The following ADAMTS1 variants were observed in gnomAD, a reference collection of about 807,000 sequenced individuals.
ADAMTS1 encodes the protein ADAM metallopeptidase with thrombospondin type 1 motif 1, also known as A disintegrin and metalloproteinase with thrombospondin motifs 1.
A neutral mutation model predicts 87.9 loss-of-function variants in ADAMTS1; 19 were observed. The ratio of observed to expected loss-of-function variants is 0.22; its 90% confidence interval spans 0.15 to 0.32. ADAMTS1 has a LOEUF of 0.32. Ranked by LOEUF, ADAMTS1 falls within the 10% of genes least tolerant of loss-of-function variation. ADAMTS1 has a pLI of 1.00. For missense variants in ADAMTS1, 1,240 were observed against 1,259.1 expected (o/e 0.98, Z 0.23); for synonymous variants, 542 against 501.8 (o/e 1.08, Z -1.07).
chr21:26,841,753 C>T, intron 3 of ADAMTS1, 105 bp downstream of exon 3: 1 of 1,308,008 alleles, frequency 7.6e-7, no homozygotes, highest in Middle Eastern at 1.9e-4. Flanking sequence ...CTAAGATGCA[C>T]TAGGACCTAA....
chr21:26,843,989 G>C (rs949915211), intron 1 of ADAMTS1, among the ~76,000 whole-genome samples: 2 of 152,236 alleles, frequency 1.3e-5, no homozygotes, highest in African/African-American at 2.4e-5. Flanking sequence ...TTAGTTTGCA[G>C]AAAATCGTTT....
chr21:26,843,940 A>G (rs1985551818), intron 1 of ADAMTS1, among the ~76,000 whole-genome samples: 1 of 152,236 alleles, frequency 6.6e-6, no homozygotes, highest in Non-Finnish European at 1.5e-5. Context: ...GGAAGGAGTC[A>G]GGTTACAAAC....
intron 7 of ADAMTS1, chr21:26,839,316 G>A (rs1291898143): frequency 4.4e-5 from 13 of 294,478 alleles, no homozygotes; most frequent in South Asian, 3.7e-4. Flanking sequence ...ACAGAGGAGC[G>A]CTTGACTGTC....
chr21:26,840,116 G>T lies in ADAMTS1; in HGVS notation c.1666-55C>A, dbSNP rs570511774. 19 of 1,567,104 alleles carry T rather than the reference G, an allele frequency of 1.2e-5. No homozygotes were observed. In the South Asian group the frequency reaches 2.2e-4, roughly 18 times the overall value. Reference sequence around the variant, plus strand: ...GAATTATCTAAAGAGAACTTTTAGGGTATCAAAGAAAGCCACATGGGACAA... The same window carrying T: ...GAATTATCTAAAGAGAACTTTTAGGTTATCAAAGAAAGCCACATGGGACAA... On this transcript the variant is annotated intron_variant, in intron 5 of 8. Coordinates refer to ENST00000284984, the MANE Select transcript of ADAMTS1 (RefSeq NM_006988.5).
At chr21:26,838,710 T>C (rs1985430369) in intron 7 of ADAMTS1, 96 bp from the exon 8 acceptor site, 3 of 1,276,206 alleles carry the variant, frequency 2.4e-6, no homozygotes, top group Non-Finnish European at 2.2e-6. Flanking sequence ...TTCCTGACCA[T>C]GCTAATTAAA....
chr21:26,842,153 CT>C (rs1249572793), intron 2 of ADAMTS1, among the ~76,000 whole-genome samples, 163 bp from the exon 3 acceptor site: 1 of 152,084 alleles, frequency 6.6e-6, no homozygotes. Context: ...TTTTCTAATG[CT>C]TTTAAAATAG....
At chr21:26,839,819 G>T in intron 6 of ADAMTS1, 56 bp downstream of exon 6, 1 of 1,605,100 alleles carries the variant, frequency 6.2e-7, no homozygotes, top group Non-Finnish European at 8.5e-7. Flanking sequence ...CCACCTGTTT[G>T]TGGGTACATC....
At chr21:26,844,131 G>A in intron 1 of ADAMTS1, 94 bp downstream of exon 1, 1 of 1,442,280 alleles carries the variant, frequency 6.9e-7, no homozygotes. Flanking sequence ...TTATGATCCT[G>A]CCTGCCAGCA....
Position 26,844,456 on chromosome 21 carries a change from G to C in ADAMTS1, c.499C>G (p.Arg167Gly), listed in dbSNP as rs1985569307. Reference sequence around the variant, plus strand: ...TCCCCTGGGGCGGCGGTGGCGAGGCGCTCGCTGGCGGCGGGCAGCGGCTGG... The same window carrying C: ...TCCCCTGGGGCGGCGGTGGCGAGGCCCTCGCTGGCGGCGGGCAGCGGCTGG... Reference protein sequence around the residue: ...FIQPLPAASERLATAAPGEKP... With the variant: ...FIQPLPAASEGLATAAPGEKP... Residue 167 changes from arginine to glycine, a missense_variant, in exon 1 of 9, where the codon CGC (arginine) becomes GGC (glycine). Around this residue, in one of 3 missense-constraint regions of ADAMTS1, gnomAD observed 521 missense variants for 449.7 expected, o/e 1.16. Coordinates refer to ENST00000284984, the MANE Select transcript of ADAMTS1 (RefSeq NM_006988.5). 1.3e-6 allele frequency: 2 copies of C among 1,586,634 alleles called. No individual in the cohort carries two copies. The highest frequency in any genetic ancestry group is 3.5e-5 in the Admixed American group (2 of 57,352).
intron 1 of ADAMTS1, chr21:26,843,540 T>C: frequency 2.1e-6 from 1 of 470,440 alleles, no homozygotes; most frequent in African/African-American, 2.0e-5. Context: ...GGACCGGCAG[T>C]GACTTTCAAC....
At position 26,840,080 on chromosome 21, in the gene ADAMTS1, CA is replaced by C. The variant is rs1373403797; in HGVS notation, c.1666-20del. On this transcript the variant is annotated intron_variant, in intron 5 of 8. Transcript: ENST00000284984. ...AAGGCGTCTAAATGGAGACATAAAT[CA>C]TCAGCATTAGAATTATCTAAAGAGA... 2 of 1,608,762 alleles carry C rather than the reference CA, an allele frequency of 1.2e-6. No homozygotes were observed. The highest frequency in any genetic ancestry group is 2.2e-5 in the South Asian group (2 of 90,080).
rs1432400296 is a variant in ADAMTS1, at chr21:26,840,567, A to G, written c.1379-5T>C. ...GCTTGTCCATCAAACATTCCCCTGC[A>G]AAGGAAATGCCAACCAATATCAATA... On this transcript the variant is annotated splice_region_variant and splice_polypyrimidine_tract_variant and intron_variant, in intron 4 of 8. Coordinates refer to ENST00000284984, the MANE Select transcript of ADAMTS1 (RefSeq NM_006988.5). 6.2e-7 allele frequency: 1 copy of G among 1,612,522 alleles called. No individual in the cohort carries two copies. Among genetic ancestry groups the G allele is most frequent in the Non-Finnish European group, 8.5e-7 (1 of 1,178,820 alleles).
chr21:26,844,857 A>T lies in ADAMTS1; in HGVS notation c.98T>A (p.Val33Glu). 6.4e-7 allele frequency: 1 copy of T among 1,561,464 alleles called. No individual in the cohort carries two copies. The highest frequency in any genetic ancestry group is 1.2e-5 in the South Asian group (1 of 86,234). ...RAPGSRSFGP[V>E]PTLLLLAAAL... ...CGCGGCGAGCAGCAGCAGCGTGGGT[A>T]CTGGCCCAAAGCTCCGAGACCCCGG... Residue 33 changes from valine (V) to glutamate (E), a missense_variant, in exon 1 of 9, where the codon GTA (valine) becomes GAA (glutamate). By Grantham distance (121) the Val-to-Glu change is moderately radical. Around this residue, in one of 3 missense-constraint regions of ADAMTS1, gnomAD observed 521 missense variants for 449.7 expected, o/e 1.16. Coordinates refer to ENST00000284984, the MANE Select transcript of ADAMTS1 (RefSeq NM_006988.5).
Position 26,837,924 on chromosome 21 carries a change from G to C in ADAMTS1, c.2559C>G (p.Pro853=). The C allele has an allele frequency of 6.2e-7, 1 of 1,614,196 alleles. No homozygotes were observed. The highest frequency in any genetic ancestry group is 8.5e-7 in the Non-Finnish European group (1 of 1,180,036). ...CTTCAATGACCCATGCTGAAAAAGTGGGGATAGCATTGAAAGATTCCTTCT... is the reference window on the plus strand; with the variant it reads ...CTTCAATGACCCATGCTGAAAAAGTCGGGATAGCATTGAAAGATTCCTTCT... ...KKKKESFNAI[P]TFSAWVIEEW... The change falls in exon 9 of 9, where the codon CCC becomes CCG. Residue 853 remains proline, a synonymous_variant. Coordinates refer to ENST00000284984, the MANE Select transcript of ADAMTS1 (RefSeq NM_006988.5).
rs771708198 is a variant in ADAMTS1, at chr21:26,842,521, G to T, written c.895C>A (p.Arg299Ser). 4 of 1,614,156 alleles carry T rather than the reference G, an allele frequency of 2.5e-6. No individual in the cohort carries two copies. The highest frequency in any genetic ancestry group is 1.1e-5 in the South Asian group (1 of 91,062). The change falls in exon 2 of 9, where the codon CGT becomes AGT. Residue 299 changes from arginine to serine, a missense_variant. Arg to Ser is a moderately radical substitution (Grantham distance 110). Around this residue, in one of 3 missense-constraint regions of ADAMTS1, gnomAD observed 521 missense variants for 449.7 expected, o/e 1.16. Coordinates refer to ENST00000284984, the MANE Select transcript of ADAMTS1 (RefSeq NM_006988.5). ...ACCACCACCAGGCTAACTGAATTAC[G>T]AATGCTGGGGTGTTTGTACAATCTG... Reference protein sequence around the residue: ...AARLYKHPSIRNSVSLVVVKI... With the variant: ...AARLYKHPSISNSVSLVVVKI...
In ADAMTS1 at chr21:26,838,148, G is replaced by T. The variant is rs767921023; in HGVS notation, c.2335C>A (p.Leu779Ile). The change falls in exon 9 of 9, where the codon CTT becomes ATT. Residue 779 changes from leucine to isoleucine, a missense_variant. By Grantham distance (5) the Leu-to-Ile change is conservative. This residue lies in a region of ADAMTS1 where 402 missense variants were observed against 399.1 expected (regional missense o/e 1.01). Coordinates refer to ENST00000284984, the MANE Select transcript of ADAMTS1 (RefSeq NM_006988.5). ...GTGGACAAAGTGTAGTCACCATTAAGAATATATGTGCCATCAGCAGCTTTG... is the reference window on the plus strand; with the variant it reads ...GTGGACAAAGTGTAGTCACCATTAATAATATATGTGCCATCAGCAGCTTTG... The part of the protein sequence containing the change: ...AIKAADGTYI[L>I]NGDYTLSTLE... 6 of 1,614,088 alleles carry T rather than the reference G, an allele frequency of 3.7e-6. No individual in the cohort carries two copies. In the South Asian group the frequency reaches 6.6e-5, roughly 18 times the overall value.
intron 3 of ADAMTS1, 81 bp downstream of exon 3, chr21:26,841,777 C>A (rs1985498712): frequency 1.3e-6 from 2 of 1,482,096 alleles, no homozygotes; most frequent in South Asian, 2.7e-5. Context: ...AGCAATATAA[C>A]CTACAGACTC....
chr21:26,837,775 G>A lies in ADAMTS1; in HGVS notation c.2708C>T (p.Pro903Leu). The A allele has an allele frequency of 6.2e-7, 1 of 1,614,194 alleles. No homozygotes were observed. Among genetic ancestry groups the A allele is most frequent in the Admixed American group, 1.7e-5 (1 of 60,022 alleles). Residue 903 changes from proline (P) to leucine (L), a missense_variant, in exon 9 of 9, where the codon CCT (proline) becomes CTT (leucine). Pro to Leu is a moderately conservative substitution (Grantham distance 98). Around this residue, in one of 3 missense-constraint regions of ADAMTS1, gnomAD observed 402 missense variants for 399.1 expected, o/e 1.01. Coordinates refer to ENST00000284984, the MANE Select transcript of ADAMTS1 (RefSeq NM_006988.5). ...CTGGGGGCAGGGATGGTCTGCACAAGGTCTGGTGCTGGCTGGCTTCACTTC... is the reference window on the plus strand; with the variant it reads ...CTGGGGGCAGGGATGGTCTGCACAAAGTCTGGTGCTGGCTGGCTTCACTTC... ...AKEVKPASTR[P>L]CADHPCPQWQ...
intron 3 of ADAMTS1, 110 bp downstream of exon 3, chr21:26,841,748 A>C (rs1985498436): frequency 8.2e-7 from 1 of 1,218,700 alleles, no homozygotes; most frequent in Non-Finnish European, 1.1e-6. Flanking sequence ...AGTTTCTAAG[A>C]TGCACTAGGA....
Sources: gnomAD v4.1 joint callset for allele counts (sites outside exome capture counted in the v4.1 genomes callset) on GRCh38, gnomAD v4.1.1 for gene constraint, gnomAD v4.1.1 regional missense constraint, MANE v1.5 for transcripts, NCBI Gene and HGNC (gene_info 2026-07-23, HGNC 2026-07-21) for gene names.